The following FAAH2 variants were observed in gnomAD, a reference collection of about 807,000 sequenced individuals.
FAAH2 encodes the protein fatty acid amide hydrolase 2.
Under a neutral mutation model 36.9 loss-of-function variants are expected in FAAH2, and 60 were observed. That is an observed-to-expected ratio of 1.63 (90% CI 1.32 to 2.02). The LOEUF (loss-of-function observed/expected upper bound fraction) is 2.02, where lower values mean the gene tolerates loss of function less well. FAAH2 is among the 30% of genes most tolerant of loss of function. The probability of loss-of-function intolerance (pLI) is 0.00; values close to 1 mark genes in which losing one functional copy is unlikely to be tolerated. For missense variants in FAAH2, 689 were observed against 397.5 expected (o/e 1.73, Z -6.23); for synonymous variants, 214 against 143.8 (o/e 1.49, Z -3.49).
At chrX:57,408,497 G>A (rs1477265672) in intron 7 of FAAH2, among the ~76,000 whole-genome samples, 1 of 110,024 alleles carries the variant, frequency 9.1e-6, no homozygotes, top group Non-Finnish European at 1.9e-5. Context: ...CATGTCATCT[G>A]CAAACACAAT....
At chrX:57,285,603 T>C (rs1246189672), upstream of FAAH2, among the ~76,000 whole-genome samples, 2 of 111,732 alleles carry the variant, frequency 1.8e-5, no homozygotes, top group Non-Finnish European at 3.8e-5. Context: ...GTGGTACTTG[T>C]CCTGAACTAG....
the FAAH2 span, among the ~76,000 whole-genome samples, chrX:57,248,668 G>A: frequency 5.1e-5 from 5 of 98,281 alleles, no homozygotes; most frequent in East Asian, 6.5e-4. Flanking sequence ...TAGGAGAATC[G>A]CTTGAACCCG....
intron 3 of FAAH2, among the ~76,000 whole-genome samples, chrX:57,323,443 CCCA>C (rs1303402398): frequency 9.0e-6 from 1 of 111,634 alleles, no homozygotes. Flanking sequence ...AGTTTACAGT[CCCA>C]CCAACATTGT....
intron 7 of FAAH2, among the ~76,000 whole-genome samples, chrX:57,408,685 T>A (rs938085061): frequency 9.9e-5 from 11 of 111,184 alleles, no homozygotes; most frequent in African/African-American, 3.3e-4. Flanking sequence ...TTGAGTCTGA[T>A]GTTAGCTGTG....
intron 10 of FAAH2, among the ~76,000 whole-genome samples, chrX:57,450,257 G>A (rs1224583505): frequency 3.7e-5 from 4 of 109,103 alleles, no homozygotes; most frequent in Non-Finnish European, 7.6e-5. Flanking sequence ...GATGATAGCT[G>A]CAATTTAGCA....
the FAAH2 span, among the ~76,000 whole-genome samples, chrX:57,252,708 A>T: frequency 1.6e-4 from 18 of 112,493 alleles, no homozygotes; most frequent in Non-Finnish European, 3.2e-4. Context: ...AACAGAAAGG[A>T]ATAGCATCAA....
intron 5 of FAAH2, among the ~76,000 whole-genome samples, chrX:57,375,110 G>T (rs959169522): frequency 8.2e-5 from 9 of 110,322 alleles, no homozygotes; most frequent in African/African-American, 2.6e-4. Flanking sequence ...TATGATGTTG[G>T]ATTCAGTTAT....
chrX:57,447,425 G>C (rs901306810), intron 9 of FAAH2, among the ~76,000 whole-genome samples: 2 of 111,824 alleles, frequency 1.8e-5, no homozygotes, highest in Admixed American at 1.9e-4. Flanking sequence ...CTCCAGTGGG[G>C]ACTCTGTGTG....
the FAAH2 span, among the ~76,000 whole-genome samples, chrX:57,201,785 C>A: frequency 9.0e-6 from 1 of 111,195 alleles, no homozygotes; most frequent in Admixed American, 9.6e-5. Flanking sequence ...CTTAGATTTC[C>A]CTTTTGAGGC....
At chrX:57,269,116 A>G in the FAAH2 span, among the ~76,000 whole-genome samples, 6 of 111,961 alleles carry the variant, frequency 5.4e-5, no homozygotes, top group Non-Finnish European at 1.1e-4. Context: ...GACAAGCATC[A>G]AAAAGGACAC....
chrX:57,489,170 T>G lies in FAAH2; in HGVS notation c.*238T>G. On this transcript the variant is annotated 3_prime_UTR_variant, in exon 11 of 11. Transcript: ENST00000374900. ...AAATTAGGACATGTAAATGGATAAG[T>G]GCAATAAAGTTTCCTAAATGCTGGA... The G allele has an allele frequency of 3.0e-6, 1 of 331,658 alleles. No homozygotes were observed. The highest frequency in any genetic ancestry group is 5.1e-6 in the Non-Finnish European group (1 of 195,631). The allele number at this position is 331,658 out of a possible 1,213,427, so 27.3% of individuals were successfully genotyped here. A position where few individuals can be genotyped will look rare whatever the true frequency, so the allele number is the denominator to read the frequency against.
the FAAH2 span, among the ~76,000 whole-genome samples, chrX:57,176,930 C>T: frequency 1.8e-5 from 2 of 110,277 alleles, no homozygotes; most frequent in Non-Finnish European, 3.8e-5. Flanking sequence ...GTGCTAGAGG[C>T]GTGAGCAAGT....
At chrX:57,205,635 C>A in the FAAH2 span, among the ~76,000 whole-genome samples, 1 of 112,064 alleles carries the variant, frequency 8.9e-6, no homozygotes, top group Non-Finnish European at 1.9e-5. Flanking sequence ...AAAAACTTTA[C>A]CTTTTGAGCC....
chrX:57,161,363 A>G, the FAAH2 span, among the ~76,000 whole-genome samples: 1 of 111,437 alleles, frequency 9.0e-6, no homozygotes, highest in Non-Finnish European at 1.9e-5. Context: ...AGTTCTGTAG[A>G]TGTCTATTAG....
At chrX:57,440,919 T>C (rs1339820320) in intron 8 of FAAH2, among the ~76,000 whole-genome samples, 1 of 111,747 alleles carries the variant, frequency 8.9e-6, no homozygotes, top group African/African-American at 3.3e-5. Context: ...GATTTGCATA[T>C]GTTGAAGCAG....
chrX:57,313,345 T>C (rs1397445511), intron 3 of FAAH2, among the ~76,000 whole-genome samples: 1 of 108,909 alleles, frequency 9.2e-6, no homozygotes, highest in African/African-American at 3.4e-5. Flanking sequence ...TTGACACCAG[T>C]CTCGGTGAAG....
At chrX:57,466,934 T>G (rs191874618) in intron 10 of FAAH2, among the ~76,000 whole-genome samples, 81 of 111,532 alleles carry the variant, frequency 7.3e-4, no homozygotes, top group African/African-American at 2.3e-3. Context: ...TGCTGAATCT[T>G]GAGCTTTAAT....
At chrX:57,198,596 C>A in the FAAH2 span, among the ~76,000 whole-genome samples, 3 of 112,515 alleles carry the variant, frequency 2.7e-5, no homozygotes, top group Non-Finnish European at 3.8e-5. Context: ...GCCCACCCTA[C>A]CCCTGGATTT....
At chrX:57,162,334 G>A in the FAAH2 span, among the ~76,000 whole-genome samples, 2 of 110,999 alleles carry the variant, frequency 1.8e-5, no homozygotes, top group Non-Finnish European at 3.8e-5. Flanking sequence ...TGACAATTAT[G>A]TTTCTTGGAG....
Sources: allele counts gnomAD v4.1 joint callset (sites outside exome capture counted in the v4.1 genomes callset), GRCh38; gene constraint gnomAD v4.1.1; transcripts MANE v1.5; gene names NCBI Gene and HGNC (gene_info 2026-07-23, HGNC 2026-07-21).